DHRS4L2: variants seen among roughly 807,000 people sequenced by gnomAD.
The protein encoded by DHRS4L2 is dehydrogenase/reductase 4 like 2, also known as dehydrogenase/reductase SDR family member 4-like 2.
Under a neutral mutation model 23.9 loss-of-function variants are expected in DHRS4L2, and 22 were observed. That is an observed-to-expected ratio of 0.92 (90% CI 0.66 to 1.31). The LOEUF (loss-of-function observed/expected upper bound fraction) is 1.31. Ranked by LOEUF, DHRS4L2 falls within the 40% of genes most tolerant of loss-of-function variation. The probability of loss-of-function intolerance (pLI) is 0.00; values close to 1 mark genes in which losing one functional copy is unlikely to be tolerated. For missense variants in DHRS4L2, 385 were observed against 303.3 expected (o/e 1.27, Z -2.00); for synonymous variants, 141 against 123.7 (o/e 1.14, Z -0.93).
intron 3 of DHRS4L2, among the ~76,000 whole-genome samples, chr14:23,997,004 C>T (rs2034396684): frequency 6.6e-6 from 1 of 150,706 alleles, no homozygotes; most frequent in East Asian, 2.0e-4. Flanking sequence ...ATATGAAAGT[C>T]AGTTTTAAAC....
At position 24,000,932 on chromosome 14, in the gene DHRS4L2, G is replaced by T; in HGVS notation, c.478G>T (p.Gly160Ter). The T allele has an allele frequency of 1.2e-6, 2 of 1,611,354 alleles. No homozygotes were observed. The highest frequency in any genetic ancestry group is 8.5e-7 in the Non-Finnish European group (1 of 1,179,398). The change falls in exon 4 of 8, where the codon GGA becomes TGA. Residue 160 changes from glycine to a stop codon, truncating the protein, a stop_gained and splice_region_variant. Transcript: ENST00000335125. LOFTEE classifies it high-confidence loss of function. ...KAVVPEMEKRGGGSVVIVSSI... is the reference protein window; with the variant it reads ...KAVVPEMEKR ...AGTGGTGCCAGAAATGGAGAAACGA[G>T]GGTACAGAGAGTGAGAGAGAGCCTG...
Position 23,988,987 on chromosome 14 carries a change from C to T in DHRS4L2, c.40C>T (p.Arg14Trp), listed in dbSNP as rs372560000. The change falls in exon 1 of 8, where the codon CGG becomes TGG. Residue 14 changes from arginine (R) to tryptophan (W), a missense_variant. By Grantham distance (101) the Arg-to-Trp change is moderately radical. Coordinates refer to ENST00000335125, the MANE Select transcript of DHRS4L2 (RefSeq NM_198083.4). ...ARLLGLCAWA[R>W]KSVRMASSRM... ...GCTGCTAGGCCTCTGTGCCTGGGCA[C>T]GGAAGTCGGTGCGGATGGCCAGCTC... is the stretch of plus-strand genomic sequence containing the variant. The T allele has an allele frequency of 4.6e-5, 74 of 1,611,296 alleles. 2 individuals carry two copies. The highest frequency in any genetic ancestry group is 5.7e-5 in the Non-Finnish European group (67 of 1,178,614).
Position 23,990,340 on chromosome 14 carries a change from G to T in DHRS4L2, c.287G>T (p.Arg96Leu). 3.1e-6 allele frequency: 5 copies of T among 1,611,170 alleles called. No individual in the cohort carries two copies. The highest frequency in any genetic ancestry group is 3.4e-6 in the Non-Finnish European group (4 of 1,178,638). Residue 96 changes from arginine to leucine, a missense_variant, in exon 2 of 8, where the codon CGG becomes CTG. Physicochemically the swap from Arg to Leu is moderately radical, Grantham distance 102. Transcript: ENST00000335125. ...TVCHVGKAEDRERLVAMAVKL... is the reference protein window; with the variant it reads ...TVCHVGKAEDLERLVAMAVKL... ...TGCCATGTGGGGAAGGCGGAGGACCGGGAGCGGCTGGTGGCCATGGTGAGC... is the reference window on the plus strand; with the variant it reads ...TGCCATGTGGGGAAGGCGGAGGACCTGGAGCGGCTGGTGGCCATGGTGAGC...
Position 23,990,215 on chromosome 14 carries a change from G to A in DHRS4L2, c.162G>A (p.Gln54=), listed in dbSNP as rs1202907194. ...TCGCCATCGCCCGGCGTTTGGCCCA[G>A]GACAGGGCCCACGTGGTCGTCAGCA... ...IGFAIARRLA[Q]DRAHVVVSSR... is the part of the protein sequence containing the mutation. Residue 54 remains glutamine (Q), a synonymous_variant, in exon 2 of 8, where the codon CAG becomes CAA. Coordinates refer to ENST00000335125, the MANE Select transcript of DHRS4L2 (RefSeq NM_198083.4). 3.7e-6 allele frequency: 6 copies of A among 1,612,802 alleles called. No homozygotes were observed. The highest frequency in any genetic ancestry group is 1.3e-5 in the African/African-American group (1 of 74,856).
chr14:23,989,389 A>G (rs2034218601), intron 1 of DHRS4L2, among the ~76,000 whole-genome samples: 2 of 151,820 alleles, frequency 1.3e-5, no homozygotes, highest in South Asian at 4.2e-4. Context: ...CAGAAACTGG[A>G]AATGCAAGGG....
chr14:23,989,212 G>T, intron 1 of DHRS4L2, 137 bp downstream of exon 1: 1 of 1,456,484 alleles, frequency 6.9e-7, no homozygotes. Flanking sequence ...AAGTAGCCAC[G>T]TGGTCCGCCT....
intron 1 of DHRS4L2, 88 bp downstream of exon 1, chr14:23,989,163 T>A: frequency 6.6e-7 from 1 of 1,520,796 alleles, no homozygotes; most frequent in Non-Finnish European, 8.8e-7. Flanking sequence ...GCCCCTGTCC[T>A]CAGACCTCAC....
At chr14:23,976,728 G>C (rs1343844408) in intron 1 of DHRS4L2, among the ~76,000 whole-genome samples, 6 of 151,834 alleles carry the variant, frequency 4.0e-5, no homozygotes, top group Non-Finnish European at 7.4e-5. Context: ...TGATAGACTG[G>C]ATAAAGGAAA....
chr14:23,993,806 G>A (rs1200072402), intron 2 of DHRS4L2, among the ~76,000 whole-genome samples: 2 of 151,572 alleles, frequency 1.3e-5, no homozygotes, highest in African/African-American at 4.8e-5. Flanking sequence ...AATTCAGGCT[G>A]GTATCTTCTC....
intron 2 of DHRS4L2, among the ~76,000 whole-genome samples, chr14:23,994,226 A>C (rs2034329791): frequency 6.6e-6 from 1 of 151,694 alleles, no homozygotes; most frequent in South Asian, 2.1e-4. Flanking sequence ...GACAGTAAGC[A>C]CTTGGAGAAA....
chr14:23,975,108 TA>T (rs895774030), intron 1 of DHRS4L2, among the ~76,000 whole-genome samples: 1 of 151,540 alleles, frequency 6.6e-6, no homozygotes, highest in African/African-American at 2.4e-5. Context: ...GAGGAAGAAA[TA>T]AAGGGTATTC....
At chr14:23,990,132 C>A (rs2034235720) in intron 1 of DHRS4L2, 50 bp from the exon 2 acceptor site, 2 of 1,601,590 alleles carry the variant, frequency 1.2e-6, no homozygotes, top group Admixed American at 1.8e-5. Flanking sequence ...ATGCTGTCGA[C>A]CTCTTCCCCT....
intron 3 of DHRS4L2, among the ~76,000 whole-genome samples, chr14:23,999,507 A>G (rs549320504): frequency 0.019 from 2,777 of 148,710 alleles, 93 homozygotes; most frequent in African/African-American, 0.066. Context: ...TTTAAAAAAC[A>G]CACACACACA....
intron 1 of DHRS4L2, among the ~76,000 whole-genome samples, chr14:23,976,870 T>C (rs4048589): frequency 6.6e-6 from 1 of 151,616 alleles, no homozygotes; most frequent in Admixed American, 6.6e-5. Context: ...AACCAAACGC[T>C]GCATCTTCTC....
chr14:23,974,344 G>A (rs1162761274), intron 1 of DHRS4L2, among the ~76,000 whole-genome samples: 1 of 151,270 alleles, frequency 6.6e-6, no homozygotes, highest in Non-Finnish European at 1.5e-5. Flanking sequence ...AAGAACTAGA[G>A]AAGCAAGAGC....
At chr14:23,993,390 G>T (rs951725507) in intron 2 of DHRS4L2, among the ~76,000 whole-genome samples, 1 of 151,682 alleles carries the variant, frequency 6.6e-6, no homozygotes, top group Admixed American at 6.6e-5. Flanking sequence ...ACTGAGCTTA[G>T]CACCTAGTTA....
chr14:23,989,596 G>T (rs1363384889), intron 1 of DHRS4L2, among the ~76,000 whole-genome samples: 1 of 151,486 alleles, frequency 6.6e-6, no homozygotes, highest in African/African-American at 2.4e-5. Flanking sequence ...TCTCTTGTCA[G>T]TCCTGGTTCT....
At chr14:23,974,291 A>C (rs2033924923) in intron 1 of DHRS4L2, among the ~76,000 whole-genome samples, 1 of 151,722 alleles carries the variant, frequency 6.6e-6, no homozygotes, top group Non-Finnish European at 1.5e-5. Context: ...CCACAAGAGA[A>C]AGCAGGAAAG....
In DHRS4L2 at chr14:23,974,716, G is replaced by A. The variant is rs535738429; in HGVS notation, c.-176+4384G>A. 1.1e-3 allele frequency among the ~76,000 whole-genome samples: 160 copies of A among 151,890 alleles called. 3 individuals carry two copies. The highest frequency in any genetic ancestry group is 3.6e-3 in the Admixed American group (55 of 15,254). ...TAAATCAGGACGAAGTTGAATTGCTGAATAGACCAATAACAGCTTCTGAAA... is the reference window on the plus strand; with the variant it reads ...TAAATCAGGACGAAGTTGAATTGCTAAATAGACCAATAACAGCTTCTGAAA... On this transcript the variant is annotated intron_variant, in intron 1 of 5. Transcript: ENST00000534993.
Sources: gnomAD v4.1 joint callset for allele counts (sites outside exome capture counted in the v4.1 genomes callset) on GRCh38, gnomAD v4.1.1 for gene constraint, MANE v1.5 for transcripts, NCBI Gene and HGNC (gene_info 2026-07-23, HGNC 2026-07-21) for gene names.